The following LGSN variants were observed in gnomAD, a reference collection of about 807,000 sequenced individuals.
The protein encoded by LGSN is lengsin.
Under a neutral mutation model 19.5 loss-of-function variants are expected in LGSN, and 21 were observed. The ratio of observed to expected loss-of-function variants is 1.07; its 90% CI spans 0.76 to 1.55. The LOEUF is 1.55. Among genes scored for constraint, LGSN ranks in the 40% most tolerant of loss-of-function variants. The pLI, the probability that LGSN is intolerant of heterozygous loss-of-function variation, is 0.00. For synonymous variants in LGSN, 257 were observed against 215.6 expected, an observed-to-expected ratio of 1.19 and a Z score of -1.68; for missense variants, 673 against 608.5, an observed-to-expected ratio of 1.11 and a Z score of -1.12.
chr6:63,534,809 A>ATAAAGAATTTCTTTACTAAAGAATTTAG, the LGSN span, among the ~76,000 whole-genome samples: 1 of 152,072 alleles, frequency 6.6e-6, no homozygotes, highest in South Asian at 2.1e-4. Flanking sequence ...AAAGAATTTC[A>ATAAAGAATTTCTTTACTAAAGAATTTAG]TAAAGAATTT....
chr6:63,430,303 G>A, the LGSN span, among the ~76,000 whole-genome samples: 1 of 152,000 alleles, frequency 6.6e-6, no homozygotes. Context: ...CAGGCCTTGG[G>A]GTGAGAACAG....
At chr6:63,535,919 T>G in the LGSN span, among the ~76,000 whole-genome samples, 1 of 152,174 alleles carries the variant, frequency 6.6e-6, no homozygotes, top group African/African-American at 2.4e-5. Flanking sequence ...TTTACAGGCG[T>G]GCGCCACCAT....
chr6:63,384,788 G>A, the LGSN span, among the ~76,000 whole-genome samples: 1 of 152,170 alleles, frequency 6.6e-6, no homozygotes, highest in Admixed American at 6.5e-5. Context: ...AAAGTGCTGG[G>A]ATTACAGGCA....
At chr6:63,412,483 GAAGAAAGA>G in the LGSN span, among the ~76,000 whole-genome samples, 323 of 52,826 alleles carry the variant, frequency 6.1e-3, 4 homozygotes, top group South Asian at 0.016. Context: ...AGAAGAAAGA[GAAGAAAGA>G]AAGAAAGAAA....
the LGSN span, among the ~76,000 whole-genome samples, chr6:63,532,817 C>A: frequency 6.6e-6 from 1 of 151,718 alleles, no homozygotes; most frequent in Non-Finnish European, 1.5e-5. Context: ...AATAAGCTAC[C>A]AAAAAATATC....
chr6:63,394,353 T>G, the LGSN span, among the ~76,000 whole-genome samples: 70 of 152,320 alleles, frequency 4.6e-4, no homozygotes, highest in African/African-American at 1.5e-3. Context: ...GAAAGTGACC[T>G]CTGGAGGTCC....
the LGSN span, among the ~76,000 whole-genome samples, chr6:63,419,068 T>C: frequency 1.3e-5 from 2 of 152,006 alleles, no homozygotes; most frequent in Non-Finnish European, 2.9e-5. Flanking sequence ...ATGGTGTCAG[T>C]AGAAGTGAGG....
At chr6:63,330,394 G>A in the LGSN span, among the ~76,000 whole-genome samples, 1 of 152,272 alleles carries the variant, frequency 6.6e-6, no homozygotes, top group African/African-American at 2.4e-5. Flanking sequence ...CACTGAGGTT[G>A]CCAGGTTTAA....
At chr6:63,457,594 C>T in the LGSN span, among the ~76,000 whole-genome samples, 1 of 151,726 alleles carries the variant, frequency 6.6e-6, no homozygotes, top group Admixed American at 6.6e-5. Flanking sequence ...AAATTCAAAT[C>T]AGGCCGGGCA....
At chr6:63,346,618 G>A in the LGSN span, among the ~76,000 whole-genome samples, 86 of 152,152 alleles carry the variant, frequency 5.7e-4, no homozygotes, top group African/African-American at 1.8e-3. Context: ...ACCTAAGGAG[G>A]GAGTCATGTG....
chr6:63,557,949 G>A, the LGSN span, among the ~76,000 whole-genome samples: 3 of 151,928 alleles, frequency 2.0e-5, no homozygotes, highest in Non-Finnish European at 4.4e-5. Context: ...GAGTGCAGGG[G>A]TGCGATCTCG....
chr6:63,492,730 A>G, the LGSN span, among the ~76,000 whole-genome samples: 3 of 152,236 alleles, frequency 2.0e-5, no homozygotes, highest in Non-Finnish European at 4.4e-5. Context: ...AGACAATATC[A>G]ATGGTTGCCC....
chr6:63,364,274 C>T, the LGSN span, among the ~76,000 whole-genome samples: 47 of 149,582 alleles, frequency 3.1e-4, no homozygotes, highest in Admixed American at 2.3e-3. Context: ...AAAAAAAAAA[C>T]GGGTTGCAAT....
chr6:63,338,598 G>T, the LGSN span, among the ~76,000 whole-genome samples: 1 of 151,476 alleles, frequency 6.6e-6, no homozygotes, highest in East Asian at 1.9e-4. Context: ...TTGTTTTCTT[G>T]GTTAGTTTAG....
the LGSN span, among the ~76,000 whole-genome samples, chr6:63,497,788 A>T: frequency 3.9e-5 from 6 of 151,988 alleles, no homozygotes; most frequent in African/African-American, 1.5e-4. Flanking sequence ...GGGAATTATG[A>T]TTAGTGAGAT....
chr6:63,524,732 C>A, the LGSN span, among the ~76,000 whole-genome samples: 1 of 152,094 alleles, frequency 6.6e-6, no homozygotes, highest in African/African-American at 2.4e-5. Flanking sequence ...AAAAAACATA[C>A]AAGTTCATGT....
chr6:63,344,305 G>T, the LGSN span, among the ~76,000 whole-genome samples: 1 of 152,292 alleles, frequency 6.6e-6, no homozygotes, highest in South Asian at 2.1e-4. Context: ...AATGTAAGTT[G>T]CTTTTGAAAT....
chr6:63,340,186 G>A, the LGSN span, among the ~76,000 whole-genome samples: 2 of 151,908 alleles, frequency 1.3e-5, no homozygotes, highest in Middle Eastern at 3.2e-3. Context: ...CTTTTCTCTT[G>A]CAGTCCTTAG....
At chr6:63,377,688 G>T in the LGSN span, among the ~76,000 whole-genome samples, 1 of 152,002 alleles carries the variant, frequency 6.6e-6, no homozygotes, top group Non-Finnish European at 1.5e-5. Context: ...CGAGGCAGGA[G>T]GATCACTTAA....
Sources: allele counts gnomAD v4.1 joint callset (sites outside exome capture counted in the v4.1 genomes callset), GRCh38; gene constraint gnomAD v4.1.1; transcripts MANE v1.5; gene names NCBI Gene and HGNC (gene_info 2026-07-23, HGNC 2026-07-21).